The following INPP4A variants were observed in gnomAD, a reference collection of about 807,000 sequenced individuals.
INPP4A encodes inositol polyphosphate-4-phosphatase type I A, also known as inositol polyphosphate-4-phosphatase, type I, 107kD.
INPP4A carries 33 observed loss-of-function variants against 119.8 expected under a neutral mutation model. The ratio of observed to expected loss-of-function variants is 0.28; its 90% CI spans 0.21 to 0.37. The LOEUF (loss-of-function observed/expected upper bound fraction) is 0.37. INPP4A is among the 10% of genes least tolerant of loss of function. The pLI, the probability that INPP4A is intolerant of heterozygous loss-of-function variation, is 1.00. For synonymous variants in INPP4A, 496 were observed against 500.7 expected, an observed-to-expected ratio of 0.99 and a Z score of 0.12; for missense variants, 956 against 1,289.9, an observed-to-expected ratio of 0.74 and a Z score of 3.97.
At chr2:98,532,672 A>T (rs1574949881) in intron 4 of INPP4A, among the ~76,000 whole-genome samples, 2 of 152,182 alleles carry the variant, frequency 1.3e-5, no homozygotes, top group African/African-American at 4.8e-5. Flanking sequence ...TATTATAGGC[A>T]ATTGTAACAC....
intron 1 of INPP4A, among the ~76,000 whole-genome samples, chr2:98,448,492 T>G (rs1218123105): frequency 6.6e-6 from 1 of 152,194 alleles, no homozygotes; most frequent in East Asian, 1.9e-4. Context: ...TGTTTTGCAT[T>G]AAGTTTTTCT....
intron 17 of INPP4A, among the ~76,000 whole-genome samples, chr2:98,559,911 GT>G: frequency 6.6e-6 from 1 of 152,326 alleles, no homozygotes; most frequent in South Asian, 2.1e-4. Flanking sequence ...AGAAACCAAT[GT>G]TTATGGTTCT....
chr2:98,462,171 A>G (rs112071155), intron 1 of INPP4A, among the ~76,000 whole-genome samples: 4,730 of 152,350 alleles, frequency 0.031, 267 homozygotes, highest in African/African-American at 0.11. Context: ...TCTAGTGGCC[A>G]GGCGTGGTGG....
At chr2:98,459,526 G>T (rs1163270578) in intron 1 of INPP4A, among the ~76,000 whole-genome samples, 1 of 152,208 alleles carries the variant, frequency 6.6e-6, no homozygotes, top group Non-Finnish European at 1.5e-5. Context: ...GTCTGGAGAA[G>T]TTGCTCAAGT....
At chr2:98,496,286 C>A (rs1011603761) in intron 1 of INPP4A, among the ~76,000 whole-genome samples, 1 of 152,132 alleles carries the variant, frequency 6.6e-6, no homozygotes, top group African/African-American at 2.4e-5. Flanking sequence ...GGCTTATAGT[C>A]TCCAATAAAT....
At chr2:98,561,570 A>G (rs1695480006) in intron 17 of INPP4A, among the ~76,000 whole-genome samples, 1 of 151,884 alleles carries the variant, frequency 6.6e-6, no homozygotes, top group Non-Finnish European at 1.5e-5. Flanking sequence ...CTATACTACA[A>G]TTTTTTTTCA....
chr2:98,495,579 A>G lies in INPP4A; in HGVS notation c.-165-23385A>G, dbSNP rs1681758793. ...AAGGAGACATAAGATATCAATCAGT[A>G]CATGTAAGATGTATATTAGTTTGGT... is the stretch of plus-strand genomic sequence containing the variant. On this transcript the variant is annotated intron_variant, in intron 1 of 24. Transcript: ENST00000409851. Among the ~76,000 whole-genome samples, 4 of 152,368 alleles carry G rather than the reference A, an allele frequency of 2.6e-5. No individual in the cohort carries two copies. The South Asian group carries it at 8.3e-4, about 32-fold the overall frequency.
chr2:98,578,385 A>G (rs1698772446), intron 24 of INPP4A, among the ~76,000 whole-genome samples: 1 of 152,210 alleles, frequency 6.6e-6, no homozygotes, highest in Non-Finnish European at 1.5e-5. Context: ...GTGGACAGGG[A>G]TCCCTGTGGT....
intron 1 of INPP4A, among the ~76,000 whole-genome samples, chr2:98,507,873 C>T (rs1684362946): frequency 6.6e-6 from 1 of 152,180 alleles, no homozygotes; most frequent in Admixed American, 6.5e-5. Context: ...GCTCACCCCC[C>T]TGCACAGCGT....
chr2:98,580,974 G>A (rs1259735084), intron 24 of INPP4A, among the ~76,000 whole-genome samples: 4 of 152,344 alleles, frequency 2.6e-5, no homozygotes, highest in South Asian at 2.1e-4. Context: ...AACAGCAGTC[G>A]CTCATGCCTG....
At chr2:98,502,131 G>T (rs1683242286) in intron 1 of INPP4A, among the ~76,000 whole-genome samples, 2 of 152,222 alleles carry the variant, frequency 1.3e-5, no homozygotes, top group African/African-American at 4.8e-5. Flanking sequence ...TATGGGGCCA[G>T]ATGATAGTCC....
intron 1 of INPP4A, among the ~76,000 whole-genome samples, chr2:98,461,731 C>A (rs896510485): frequency 5.9e-5 from 9 of 152,212 alleles, no homozygotes; most frequent in African/African-American, 2.2e-4. Context: ...CATGTGCAGA[C>A]ATGAGACAGT....
chr2:98,555,601 C>T lies in INPP4A; in HGVS notation c.1615C>T (p.Arg539Cys), dbSNP rs1694313359. The part of the protein sequence containing the change: ...VDKSLECIIQ[R>C]VDKLLQKERL... ...CAAGAGCCTAGAGTGCATCATTCAGCGTGTGGACAAGCTGCTGCAGAAGGA... is the reference window on the plus strand; with the variant it reads ...CAAGAGCCTAGAGTGCATCATTCAGTGTGTGGACAAGCTGCTGCAGAAGGA... The change falls in exon 16 of 25, where the codon CGT becomes TGT. Residue 539 changes from arginine to cysteine, a missense_variant. Around this residue, in one of 2 missense-constraint regions of INPP4A, gnomAD observed 652 missense variants for 797.9 expected, o/e 0.82. Coordinates refer to ENST00000409851, the MANE Select transcript of INPP4A (RefSeq NM_001134225.2). The T allele has an allele frequency of 3.1e-6, 5 of 1,613,570 alleles. No individual in the cohort carries two copies. Among genetic ancestry groups the T allele is most frequent in the African/African-American group, 1.3e-5 (1 of 74,890 alleles).
At chr2:98,492,567 C>A (rs1221298781) in intron 1 of INPP4A, among the ~76,000 whole-genome samples, 1 of 152,192 alleles carries the variant, frequency 6.6e-6, no homozygotes, top group East Asian at 1.9e-4. Flanking sequence ...AGGAGGAGAT[C>A]TCAAAGGGGT....
intron 24 of INPP4A, among the ~76,000 whole-genome samples, 195 bp downstream of exon 24, chr2:98,577,338 TGG>T (rs923075868): frequency 1.1e-4 from 17 of 152,032 alleles, no homozygotes; most frequent in African/African-American, 3.9e-4. Flanking sequence ...TAAGGTAAGG[TGG>T]GGGGTAACAG....
Position 98,539,580 on chromosome 2 carries a change from C to A in INPP4A, c.723C>A (p.Asn241Lys). The change falls in exon 10 of 25, where the codon AAC becomes AAA. Residue 241 changes from asparagine (N) to lysine (K), a missense_variant. Asn to Lys is a moderately conservative substitution (Grantham distance 94). Coordinates refer to ENST00000409851, the MANE Select transcript of INPP4A (RefSeq NM_001134225.2). ...ACCGGTTTCCAACCACTGATGGTAACCATTTGCGGATCCTGGAGCAGATGG... is the reference window on the plus strand; with the variant it reads ...ACCGGTTTCCAACCACTGATGGTAAACATTTGCGGATCCTGGAGCAGATGG... Reference protein sequence around the residue: ...RMYRFPTTDGNHLRILEQMAE... With the variant: ...RMYRFPTTDGKHLRILEQMAE... The A allele has an allele frequency of 1.2e-6, 2 of 1,612,372 alleles. No homozygotes were observed. Among genetic ancestry groups the A allele is most frequent in the Non-Finnish European group, 1.7e-6 (2 of 1,179,138 alleles).
chr2:98,474,461 C>T (rs1254729272), intron 1 of INPP4A, among the ~76,000 whole-genome samples: 2 of 152,242 alleles, frequency 1.3e-5, no homozygotes, highest in African/African-American at 4.8e-5. Context: ...CTACGAAGAG[C>T]CCTGGGTGGG....
chr2:98,449,519 C>T (rs1694864548), intron 1 of INPP4A, among the ~76,000 whole-genome samples: 1 of 152,176 alleles, frequency 6.6e-6, no homozygotes, highest in South Asian at 2.1e-4. Context: ...TCTTTGAGGA[C>T]TTTTCTTCCA....
rs956151451 is a variant in INPP4A, at chr2:98,460,098, A to G, written c.-166+15013A>G. Reference sequence around the variant, plus strand: ...AGGTGCCACACCTTTGGGTTTGGTCATCGTGTGTGTGTGTGTGTGTGTGTG... The same window carrying G: ...AGGTGCCACACCTTTGGGTTTGGTCGTCGTGTGTGTGTGTGTGTGTGTGTG... On this transcript the variant is annotated intron_variant, in intron 1 of 24. Coordinates refer to ENST00000409851, the MANE Select transcript of INPP4A (RefSeq NM_001134225.2). 1.9e-3 allele frequency among the ~76,000 whole-genome samples: 249 copies of G among 132,368 alleles called. 2 individuals are homozygous for G. Among genetic ancestry groups the G allele is most frequent in the Non-Finnish European group, 1.2e-3 (78 of 62,680 alleles). The allele number at this position is 132,368 out of a possible 152,430, so 86.8% of individuals were successfully genotyped here. A position where few individuals can be genotyped will look rare whatever the true frequency, so the allele number is the denominator to read the frequency against.
Sources: gnomAD v4.1 joint callset for allele counts (sites outside exome capture counted in the v4.1 genomes callset) on GRCh38, gnomAD v4.1.1 for gene constraint, gnomAD v4.1.1 regional missense constraint, MANE v1.5 for transcripts, NCBI Gene and HGNC (gene_info 2026-07-23, HGNC 2026-07-21) for gene names.